Variants in ENTPD5 observed in about 807,000 individuals in gnomAD.
ENTPD5 encodes the protein ectonucleoside triphosphate diphosphohydrolase 5 (inactive), also known as nucleoside diphosphate phosphatase ENTPD5.
ENTPD5 carries 49 observed loss-of-function variants against 60.2 expected under a neutral mutation model. The ratio of observed to expected loss-of-function variants is 0.81; its 90% CI spans 0.65 to 1.03. ENTPD5 has a LOEUF of 1.03. ENTPD5 is among the 50% of genes least tolerant of loss of function. The pLI is 0.00. For missense variants in ENTPD5, 480 were observed against 507.6 expected (o/e 0.95, Z 0.52); for synonymous variants, 187 against 185.4 (o/e 1.01, Z -0.07).
chr14:73,957,399 C>CA (rs2056489526), downstream of ENTPD5, among the ~76,000 whole-genome samples: 1 of 152,146 alleles, frequency 6.6e-6, no homozygotes, highest in South Asian at 2.1e-4. Context: ...TTATTTAAAT[C>CA]GCTTTGTTGA....
At chr14:73,979,785 A>G (rs1167243172) in intron 6 of ENTPD5, among the ~76,000 whole-genome samples, 1 of 151,724 alleles carries the variant, frequency 6.6e-6, no homozygotes, top group Non-Finnish European at 1.5e-5. Context: ...AAGCACTCTT[A>G]TGTTGAATAA....
downstream of ENTPD5, chr14:73,959,680 C>T (rs569945860): frequency 7.3e-7 from 1 of 1,366,978 alleles, no homozygotes; most frequent in East Asian, 2.5e-5. Context: ...AGCGATTCTC[C>T]TGCCTCAGCC....
At chr14:73,981,258 TGGGAAGCC>T (rs1208501252) in intron 6 of ENTPD5, among the ~76,000 whole-genome samples, 1 of 151,882 alleles carries the variant, frequency 6.6e-6, no homozygotes, top group Non-Finnish European at 1.5e-5. Context: ...CCCAGCACTT[TGGGAAGCC>T]GGGGTGGGTG....
At chr14:74,011,823 A>G (rs1157035382) in intron 2 of ENTPD5, among the ~76,000 whole-genome samples, 1 of 152,056 alleles carries the variant, frequency 6.6e-6, no homozygotes, top group Non-Finnish European at 1.5e-5. Flanking sequence ...GCTACTTACT[A>G]TTACATGCAC....
rs1239447097 is a variant in ENTPD5 at position 73,966,297 on chromosome 14, CCTT to C, written c.*628_*630del. The C allele has an allele frequency of 6.6e-6, 1 of 152,166 alleles. No individual in the cohort carries two copies. The highest frequency in any genetic ancestry group is 2.4e-5 in the African/African-American group (1 of 41,446). 9.4% of individuals were successfully genotyped at this position (152,166 alleles called of 1,614,324 possible). A position where few individuals can be genotyped will look rare whatever the true frequency, so the allele number is the denominator to read the frequency against. ...AAACATGTCCCCAGAGACCGGGTGGCCTTCTTTCTTAAGGCTGTAATTTATGCA... is the reference window on the plus strand; with the variant it reads ...AAACATGTCCCCAGAGACCGGGTGGCCTTTCTTAAGGCTGTAATTTATGCA... On this transcript the variant is annotated 3_prime_UTR_variant, in exon 16 of 16. Transcript: ENST00000334696.
chr14:73,978,487 G>T (rs1594869261), intron 6 of ENTPD5, among the ~76,000 whole-genome samples: 2 of 152,238 alleles, frequency 1.3e-5, no homozygotes, highest in Admixed American at 1.3e-4. Flanking sequence ...TGTAATCCCA[G>T]CTACCTGGGA....
intron 6 of ENTPD5, among the ~76,000 whole-genome samples, chr14:73,979,430 T>C (rs980312700): frequency 5.9e-5 from 9 of 152,046 alleles, no homozygotes; most frequent in African/African-American, 1.4e-4. Flanking sequence ...CCCTGCTGAA[T>C]GTATTCCAGT....
intron 3 of ENTPD5, chr14:73,996,490 A>G (rs944591760): frequency 1.3e-5 from 2 of 150,414 alleles, no homozygotes; most frequent in East Asian, 3.9e-4. Flanking sequence ...TGGATGGAAC[A>G]TAACTTGGTC....
intron 6 of ENTPD5, among the ~76,000 whole-genome samples, chr14:73,980,609 T>C (rs1337114474): frequency 6.6e-6 from 1 of 152,222 alleles, no homozygotes; most frequent in East Asian, 1.9e-4. Flanking sequence ...TTGTCTGGAC[T>C]GGTCTCAAAT....
At chr14:73,982,304 A>AC (rs760891400) in intron 6 of ENTPD5, among the ~76,000 whole-genome samples, 10 of 151,948 alleles carry the variant, frequency 6.6e-5, no homozygotes, top group Non-Finnish European at 1.2e-4. Flanking sequence ...CAAACTCCTG[A>AC]CCTCAGGCAA....
At chr14:73,961,922 G>A (rs1333463643), downstream of ENTPD5, 1 of 1,613,822 alleles carries the variant, frequency 6.2e-7, no homozygotes, top group South Asian at 1.1e-5. Context: ...TTGCTCAGAG[G>A]AATGACTTTG....
At chr14:73,973,744 C>T (rs985648629) in intron 12 of ENTPD5, 133 bp downstream of exon 12, 19 of 706,564 alleles carry the variant, frequency 2.7e-5, no homozygotes, top group Admixed American at 4.8e-5. Flanking sequence ...TCCTTGGAGG[C>T]ATGCCAAGAT....
intron 6 of ENTPD5, among the ~76,000 whole-genome samples, chr14:73,981,788 C>T: frequency 7.1e-6 from 1 of 141,822 alleles, no homozygotes; most frequent in East Asian, 2.0e-4. Context: ...GCTTGGAAGA[C>T]AGAGTGAGAC....
intron 7 of ENTPD5, 78 bp downstream of exon 7, chr14:73,977,221 T>G (rs2057481511): frequency 2.3e-6 from 3 of 1,315,766 alleles, no homozygotes; most frequent in Non-Finnish European, 2.2e-6. Context: ...TGTTTATTCC[T>G]GGCCCCAGTT....
chr14:73,980,278 T>C (rs534959038), intron 6 of ENTPD5, among the ~76,000 whole-genome samples: 1 of 150,864 alleles, frequency 6.6e-6, no homozygotes, highest in East Asian at 2.0e-4. Context: ...TCTTTTTTTT[T>C]TTTTGAGACA....
At position 74,003,425 on chromosome 14, in the gene ENTPD5, G is replaced by A. The variant is rs927580704; in HGVS notation, c.-71+7666C>T. On this transcript the variant is annotated intron_variant, in intron 3 of 15. Coordinates refer to ENST00000334696, the MANE Select transcript of ENTPD5 (RefSeq NM_001249.5). ...GAGCTAAGTGGAGGAAAAAGCGAAT[G>A]TGCAGTCTGAAGCACAAAAGAAGAA... The A allele has an allele frequency of 1.3e-5, 14 of 1,110,260 alleles. No homozygotes were observed. The Admixed American group carries it at 2.2e-4, about 18-fold the overall frequency. The allele number at this position is 1,110,260 out of a possible 1,614,324, so 68.8% of individuals were successfully genotyped here.
At chr14:73,988,791 C>A (rs373559919) in intron 3 of ENTPD5, among the ~76,000 whole-genome samples, 3 of 151,996 alleles carry the variant, frequency 2.0e-5, no homozygotes, top group African/African-American at 7.3e-5. Context: ...CTGAGCCTGG[C>A]GTGTTTCACT....
intron 3 of ENTPD5, among the ~76,000 whole-genome samples, chr14:73,992,597 T>C (rs1434304370): frequency 6.6e-6 from 1 of 151,502 alleles, no homozygotes; most frequent in African/African-American, 2.4e-5. Context: ...GGCAGGAGAA[T>C]TGCTTGAACC....
downstream of ENTPD5, chr14:73,962,778 C>T (rs528224818): frequency 1.6e-6 from 1 of 611,864 alleles, no homozygotes; most frequent in African/African-American, 1.9e-5. Flanking sequence ...GATCACACCA[C>T]TGCACTCCAG....
Sources: gnomAD v4.1 joint callset for allele counts (sites outside exome capture counted in the v4.1 genomes callset) on GRCh38, gnomAD v4.1.1 for gene constraint, MANE v1.5 for transcripts, NCBI Gene and HGNC (gene_info 2026-07-23, HGNC 2026-07-21) for gene names.